Variants in PLB1 observed in about 807,000 individuals in gnomAD.
PLB1 encodes phospholipase B1.
PLB1 carries 242 observed loss-of-function variants against 227.4 expected under a neutral mutation model. That is an observed-to-expected ratio of 1.06 (90% CI 0.96 to 1.18). The LOEUF is 1.18. Among genes scored for constraint, PLB1 ranks in the 50% most tolerant of loss-of-function variants. The pLI, the probability that PLB1 is intolerant of heterozygous loss-of-function variation, is 0.00. For synonymous variants in PLB1, 757 were observed against 682.2 expected, an observed-to-expected ratio of 1.11 and a Z score of -1.71; for missense variants, 1,858 against 1,816.3, an observed-to-expected ratio of 1.02 and a Z score of -0.42.
chr2:28,567,795 A>G (rs1677304103), intron 20 of PLB1, among the ~76,000 whole-genome samples: 4 of 152,024 alleles, frequency 2.6e-5, no homozygotes, highest in African/African-American at 9.7e-5. Flanking sequence ...GAAGGGTCTG[A>G]TCTTATCTTT....
At chr2:28,554,489 CTTTTTTTTTTTTTTT>C (rs536476788) in intron 17 of PLB1, among the ~76,000 whole-genome samples, 12 of 85,466 alleles carry the variant, frequency 1.4e-4, no homozygotes, top group Admixed American at 2.8e-4. Context: ...CCACACCTGC[CTTTTTTTTTTTTTTT>C]TTTTTTTTTT....
intron 1 of PLB1, among the ~76,000 whole-genome samples, chr2:28,497,814 G>A (rs1224166415): frequency 2.6e-5 from 4 of 152,046 alleles, no homozygotes; most frequent in Non-Finnish European, 5.9e-5. Flanking sequence ...TGCCCTCCAG[G>A]TTCAAGCAAT....
intron 51 of PLB1, among the ~76,000 whole-genome samples, chr2:28,627,586 G>A (rs1372286878): frequency 2.0e-5 from 3 of 152,128 alleles, no homozygotes; most frequent in Admixed American, 6.5e-5. Context: ...TTAACTCTTC[G>A]GCATGGATTG....
Position 28,629,142 on chromosome 2 carries a change from C to T in PLB1, c.3775C>T (p.Leu1259=). The change falls in exon 53 of 58, where the codon CTG becomes TTG. Residue 1259 remains leucine, a synonymous_variant. Coordinates refer to ENST00000327757, the MANE Select transcript of PLB1 (RefSeq NM_153021.5). ...GGTGGAGGTCATGGAGCTGGCTAGC[C>T]TGTACCAGGGCCAAGGCGGGAAATG... ...NVVEVMELAS[L]YQGQGGKCAM... is the part of the protein sequence containing the mutation. The T allele has an allele frequency of 1.2e-6, 2 of 1,613,976 alleles. No individual in the cohort carries two copies. The highest frequency in any genetic ancestry group is 1.7e-6 in the Non-Finnish European group (2 of 1,179,950).
chr2:28,497,849 G>A (rs1666641651), intron 1 of PLB1, among the ~76,000 whole-genome samples: 1 of 152,008 alleles, frequency 6.6e-6, no homozygotes, highest in Non-Finnish European at 1.5e-5. Context: ...CTCCTGAGTA[G>A]CTGGGATTAC....
chr2:28,498,105 A>G (rs113218655), intron 1 of PLB1, among the ~76,000 whole-genome samples: 4 of 151,906 alleles, frequency 2.6e-5, no homozygotes, highest in African/African-American at 7.2e-5. Context: ...CCTCGAGGTC[A>G]TGAAGATATC....
chr2:28,607,272 G>T (rs924598910), intron 43 of PLB1, among the ~76,000 whole-genome samples: 3 of 152,182 alleles, frequency 2.0e-5, no homozygotes, highest in Non-Finnish European at 2.9e-5. Context: ...AAAGCAGAAG[G>T]CCTGACCCAA....
intron 13 of PLB1, 92 bp from the exon 14 acceptor site, chr2:28,543,120 A>G (rs968448282): frequency 9.4e-5 from 131 of 1,390,446 alleles, no homozygotes; most frequent in Non-Finnish European, 5.6e-5. Context: ...GGCTGCCCCA[A>G]CTCTATGCCA....
At chr2:28,506,271 C>G (rs542838574) in intron 1 of PLB1, among the ~76,000 whole-genome samples, 3 of 152,216 alleles carry the variant, frequency 2.0e-5, no homozygotes, top group African/African-American at 7.2e-5. Context: ...CAACAGGATT[C>G]AGAGAGCTGA....
rs747046318 is a variant in PLB1, at chr2:28,539,622, A to G, written c.698+444A>G. On this transcript the variant is annotated intron_variant, in intron 11 of 57. Transcript: ENST00000327757. ...TTTAAACTTTTTGGAGCCAAATCCT[A>G]AGAATTCTGGCTCTGGACCTAGAAA... 3.3e-5 allele frequency among the ~76,000 whole-genome samples: 5 copies of G among 152,286 alleles called. 1 individual carries two copies. The highest frequency in any genetic ancestry group is 3.9e-4 in the East Asian group (2 of 5,178).
chr2:28,517,354 A>T (rs1011809708), intron 2 of PLB1, among the ~76,000 whole-genome samples: 1 of 150,166 alleles, frequency 6.7e-6, no homozygotes, highest in Non-Finnish European at 1.5e-5. Flanking sequence ...TTCCACTCTC[A>T]ATTTTTGGGG....
At chr2:28,553,098 C>T in intron 17 of PLB1, 107 bp downstream of exon 17, 2 of 927,696 alleles carry the variant, frequency 2.2e-6, no homozygotes, top group South Asian at 2.7e-5. Flanking sequence ...TTCTCAGGGA[C>T]AACAGAAATA....
At chr2:28,580,080 T>G (rs1679663492) in intron 23 of PLB1, among the ~76,000 whole-genome samples, 1 of 152,304 alleles carries the variant, frequency 6.6e-6, no homozygotes, top group African/African-American at 2.4e-5. Flanking sequence ...GTGCTGTCAC[T>G]TGTATGGGAA....
intron 20 of PLB1, among the ~76,000 whole-genome samples, chr2:28,570,788 TAAATA>T (rs1482283572): frequency 6.6e-6 from 1 of 152,048 alleles, no homozygotes; most frequent in African/African-American, 2.4e-5. Flanking sequence ...TGTCTCTAAA[TAAATA>T]AAGTAAAAAA....
rs867003085 is a variant in PLB1, at chr2:28,604,047, G to C, written c.2856G>C (p.Arg952=). Reference sequence around the variant, plus strand: ...TGGAGGCCTTCAGCCGAGCCTACCGGGTAAGACCAAGAAGGGCACCATGCT... The same window carrying C: ...TGGAGGCCTTCAGCCGAGCCTACCGCGTAAGACCAAGAAGGGCACCATGCT... ...ARLEAFSRAY[R]SSMRELVGSG... Residue 952 remains arginine (R), a splice_region_variant and synonymous_variant, in exon 40 of 58, where the codon CGG becomes CGC. Coordinates refer to ENST00000327757, the MANE Select transcript of PLB1 (RefSeq NM_153021.5). 3 of 1,612,610 alleles carry C rather than the reference G, an allele frequency of 1.9e-6. No homozygotes were observed. The highest frequency in any genetic ancestry group is 2.5e-6 in the Non-Finnish European group (3 of 1,178,686).
At chr2:28,563,694 A>G (rs1448476058) in intron 18 of PLB1, among the ~76,000 whole-genome samples, 1 of 152,130 alleles carries the variant, frequency 6.6e-6, no homozygotes, top group African/African-American at 2.4e-5. Flanking sequence ...CTATCCATGA[A>G]AAGCAGAATC....
Position 28,604,775 on chromosome 2 carries a change from T to A in PLB1, c.2961+16T>A, listed in dbSNP as rs1180683617. ...TGTCCTGGCGGTATGTCCCCTGCCC[T>A]CACCCATGGTACTCTTTTAGAGGAA... On this transcript the variant is annotated intron_variant, in intron 41 of 57. Coordinates refer to ENST00000327757, the MANE Select transcript of PLB1 (RefSeq NM_153021.5). 6.2e-7 allele frequency: 1 copy of A among 1,605,552 alleles called. No individual in the cohort carries two copies. The highest frequency in any genetic ancestry group is 8.5e-7 in the Non-Finnish European group (1 of 1,173,630).
At chr2:28,639,023 G>A (rs970092358) in intron 56 of PLB1, among the ~76,000 whole-genome samples, 17 of 150,486 alleles carry the variant, frequency 1.1e-4, no homozygotes, top group South Asian at 2.1e-4. Flanking sequence ...AGCTGAGATC[G>A]TGCCATTGCA....
chr2:28,548,456 T>C (rs756855716), intron 14 of PLB1: 6 of 432,714 alleles, frequency 1.4e-5, no homozygotes. Flanking sequence ...GTGTGACCCA[T>C]TGCTAGATGT....
Sources: gnomAD v4.1 joint callset for allele counts (sites outside exome capture counted in the v4.1 genomes callset) on GRCh38, gnomAD v4.1.1 for gene constraint, MANE v1.5 for transcripts, NCBI Gene and HGNC (gene_info 2026-07-23, HGNC 2026-07-21) for gene names.